The following SPRED1 variants were observed in gnomAD, a reference collection of about 807,000 sequenced individuals.
The protein encoded by SPRED1 is sprouty-related, EVH1 domain-containing protein 1.
A neutral mutation model predicts 52.3 loss-of-function variants in SPRED1; 18 were observed. The ratio of observed to expected loss-of-function variants is 0.34; its 90% CI spans 0.24 to 0.51. The LOEUF (loss-of-function observed/expected upper bound fraction) is 0.51, where lower values mean the gene tolerates loss of function less well. SPRED1 is among the 20% of genes least tolerant of loss of function. The probability of loss-of-function intolerance (pLI) is 0.97; values close to 1 mark genes in which losing one functional copy is unlikely to be tolerated. For synonymous variants in SPRED1, 155 were observed against 179.7 expected, an observed-to-expected ratio of 0.86 and a Z score of 1.10; for missense variants, 485 against 551.0, an observed-to-expected ratio of 0.88 and a Z score of 1.20.
At chr15:38,259,443 C>T (rs560933067) in intron 1 of SPRED1, among the ~76,000 whole-genome samples, 25 of 152,166 alleles carry the variant, frequency 1.6e-4, no homozygotes, top group African/African-American at 6.0e-4. Flanking sequence ...TTGTGGTGAT[C>T]GGGTCCTGCC....
intron 5 of SPRED1, among the ~76,000 whole-genome samples, chr15:38,345,150 C>G (rs1247290451): frequency 6.6e-6 from 1 of 152,142 alleles, no homozygotes; most frequent in Non-Finnish European, 1.5e-5. Flanking sequence ...GCTTGCAGAC[C>G]AGACACCTTA....
intron 2 of SPRED1, among the ~76,000 whole-genome samples, chr15:38,307,659 CTGTT>C (rs1486856793): frequency 6.6e-6 from 1 of 152,074 alleles, no homozygotes; most frequent in East Asian, 1.9e-4. Flanking sequence ...TTCCATTGTA[CTGTT>C]TGTCTGTTGA....
chr15:38,316,756 T>TTTTTTTTTTTTTTTTTTTTTG (rs1895492634), intron 2 of SPRED1, among the ~76,000 whole-genome samples: 2 of 146,034 alleles, frequency 1.4e-5, no homozygotes, highest in Non-Finnish European at 3.0e-5. Flanking sequence ...ATGTTTTTTT[T>TTTTTTTTTTTTTTTTTTTTTG]TTTTTTTTTT....
chr15:38,275,748 G>A (rs1364704776), intron 1 of SPRED1, among the ~76,000 whole-genome samples: 3 of 152,086 alleles, frequency 2.0e-5, no homozygotes, highest in African/African-American at 7.2e-5. Context: ...CACCCACCCC[G>A]GCCTCCCAAA....
intron 2 of SPRED1, among the ~76,000 whole-genome samples, chr15:38,303,114 G>A (rs1427683473): frequency 2.6e-5 from 4 of 152,036 alleles, no homozygotes; most frequent in Non-Finnish European, 5.9e-5. Context: ...AACCCGGGAG[G>A]CGTAGGTGGC....
rs756634323 is a variant in SPRED1, at chr15:38,351,314, G to T, written c.985G>T (p.Asp329Tyr). ...KIKKSKRRKE[D>Y]GERSRCVYCQ... ...TAAGAAGTCAAAACGAAGAAAAGAGGATGGTGAACGTTCTCGCTGCGTATA... is the reference window on the plus strand; with the variant it reads ...TAAGAAGTCAAAACGAAGAAAAGAGTATGGTGAACGTTCTCGCTGCGTATA... The change falls in exon 7 of 7, where the codon GAT becomes TAT. Residue 329 changes from aspartate to tyrosine, a missense_variant. Physicochemically the swap from Asp to Tyr is radical, Grantham distance 160. This residue lies in a region of SPRED1 where 205 missense variants were observed against 245.2 expected (regional missense o/e 0.84). Coordinates refer to ENST00000299084, the MANE Select transcript of SPRED1 (RefSeq NM_152594.3). 3 of 1,614,006 alleles carry T rather than the reference G, an allele frequency of 1.9e-6. No homozygotes were observed. The African/African-American group carries it at 4.0e-5, about 22-fold the overall frequency.
chr15:38,349,582 G>C (rs530400140), intron 6 of SPRED1, 59 bp downstream of exon 6: 162 of 234,680 alleles, frequency 6.9e-4, no homozygotes, highest in Admixed American at 2.6e-3. Context: ...GATAGGTAAA[G>C]TTTTCCAGTC....
At chr15:38,321,181 A>G (rs750830537) in intron 2 of SPRED1, among the ~76,000 whole-genome samples, 3 of 152,208 alleles carry the variant, frequency 2.0e-5, no homozygotes, top group Non-Finnish European at 4.4e-5. Flanking sequence ...TTCATAATAA[A>G]GTAAATTAAA....
chr15:38,316,748 G>GGTT, intron 2 of SPRED1, among the ~76,000 whole-genome samples: 8,427 of 37,700 alleles, frequency 0.22, 1,615 homozygotes, highest in East Asian at 0.47. Flanking sequence ...TCCATTATAT[G>GGTT]TTTTTTTTTT....
chr15:38,325,618 G>A (rs2140997313), intron 4 of SPRED1, among the ~76,000 whole-genome samples: 1 of 152,100 alleles, frequency 6.6e-6, no homozygotes, highest in South Asian at 2.1e-4. Flanking sequence ...TCAACTAATT[G>A]CGTGAGGTCA....
intron 5 of SPRED1, among the ~76,000 whole-genome samples, chr15:38,347,578 ATG>A (rs1310682437): frequency 6.7e-6 from 1 of 150,242 alleles, no homozygotes; most frequent in Non-Finnish European, 1.5e-5. Flanking sequence ...ATTGCGCTGA[ATG>A]TGTGTGTTAG....
chr15:38,313,406 T>C (rs1042228822), intron 2 of SPRED1, among the ~76,000 whole-genome samples: 2 of 152,008 alleles, frequency 1.3e-5, no homozygotes, highest in Non-Finnish European at 2.9e-5. Flanking sequence ...TGGATTTTTC[T>C]AATGTTTCCC....
rs1421813002 is a variant in SPRED1 at position 38,349,413 on chromosome 15, G to T, written c.583-9G>T. On this transcript the variant is annotated splice_polypyrimidine_tract_variant and intron_variant, in intron 5 of 6. Coordinates refer to ENST00000299084, the MANE Select transcript of SPRED1 (RefSeq NM_152594.3). ...TGTGTCATTTAAGTAGAAATTGTTTGTATTTTAGATAACATTTGGTCAGCC... is the reference window on the plus strand; with the variant it reads ...TGTGTCATTTAAGTAGAAATTGTTTTTATTTTAGATAACATTTGGTCAGCC... 2.1e-5 allele frequency: 34 copies of T among 1,594,716 alleles called. No homozygotes were observed. The highest frequency in any genetic ancestry group is 2.8e-5 in the Non-Finnish European group (32 of 1,163,176).
chr15:38,253,117 C>G lies in SPRED1; in HGVS notation c.-69C>G. On this transcript the variant is annotated 5_prime_UTR_variant, in exon 1 of 7. Coordinates refer to ENST00000299084, the MANE Select transcript of SPRED1 (RefSeq NM_152594.3). The stretch of plus-strand genomic sequence containing the variant: ...CCGGCCGCCGCTGCCTCCTGCCCCT[C>G]GGTGCTGCTGTTGCTCCCCCGCCTG... 2.8e-6 allele frequency: 4 copies of G among 1,451,600 alleles called. No individual in the cohort carries two copies. The Admixed American group carries it at 7.8e-5, about 28-fold the overall frequency. 89.9% of individuals were successfully genotyped at this position (1,451,600 alleles called of 1,614,324 possible). A position where few individuals can be genotyped will look rare whatever the true frequency, so the allele number is the denominator to read the frequency against.
chr15:38,298,571 G>T, intron 1 of SPRED1: 3 of 297,814 alleles, frequency 1.0e-5, no homozygotes, highest in Non-Finnish European at 1.3e-5. Flanking sequence ...GACAAAAAGA[G>T]TACAAATGGT....
rs66511254 is a variant in SPRED1 at position 38,293,099 on chromosome 15, C to CTTTTTTTTTTTTTTTTTTTTT, written c.33-6255_33-6254insTTTTTTTTTTTTTTTTTTTTT. Among the ~76,000 whole-genome samples, 5 of 90,724 alleles carry CTTTTTTTTTTTTTTTTTTTTT rather than the reference C, an allele frequency of 5.5e-5. 1 individual carries two copies. The highest frequency in any genetic ancestry group is 7.4e-4 in the East Asian group (2 of 2,698). 59.5% of individuals were successfully genotyped at this position (90,724 alleles called of 152,430 possible). A position where few individuals can be genotyped will look rare whatever the true frequency, so the allele number is the denominator to read the frequency against. On this transcript the variant is annotated intron_variant, in intron 1 of 6. Coordinates refer to ENST00000299084, the MANE Select transcript of SPRED1 (RefSeq NM_152594.3). Reference sequence around the variant, plus strand: ...TTAAGTAATTTACCCAAGATTACAACTTTTTTTTTTTTTTTTTTTGAGACG... The same window carrying CTTTTTTTTTTTTTTTTTTTTT: ...TTAAGTAATTTACCCAAGATTACAACTTTTTTTTTTTTTTTTTTTTTTTTTTTTTTTTTTTTTTTTGAGACG...
At chr15:38,271,343 T>A (rs528900395) in intron 1 of SPRED1, among the ~76,000 whole-genome samples, 21 of 152,324 alleles carry the variant, frequency 1.4e-4, no homozygotes, top group African/African-American at 4.6e-4. Flanking sequence ...AATGCTGGGC[T>A]AATAGAAACA....
intron 1 of SPRED1, chr15:38,283,354 A>T (rs1894735293): frequency 4.7e-6 from 1 of 213,798 alleles, no homozygotes; most frequent in Admixed American, 6.5e-5. Context: ...GGGGATTACA[A>T]TTCAAGATGA....
At chr15:38,297,108 A>G (rs1895056986) in intron 1 of SPRED1, among the ~76,000 whole-genome samples, 1 of 152,162 alleles carries the variant, frequency 6.6e-6, no homozygotes, top group South Asian at 2.1e-4. Flanking sequence ...TGGACTTTCA[A>G]GCCTCTAGAA....
Sources: allele counts gnomAD v4.1 joint callset (sites outside exome capture counted in the v4.1 genomes callset), GRCh38; gene constraint gnomAD v4.1.1; regional missense constraint gnomAD v4.1.1; transcripts MANE v1.5; gene names NCBI Gene and HGNC (gene_info 2026-07-23, HGNC 2026-07-21).